Variants in LSAMP observed in about 807,000 individuals in gnomAD.
The protein encoded by LSAMP is limbic system-associated membrane protein.
Under a neutral mutation model 38.6 loss-of-function variants are expected in LSAMP, and 7 were observed. The ratio of observed to expected loss-of-function variants is 0.18; its 90% CI spans 0.10 to 0.34. LSAMP has a LOEUF of 0.34. Among genes scored for constraint, LSAMP ranks in the 10% least tolerant of loss-of-function variants. The pLI is 1.00. For synonymous variants in LSAMP, 154 were observed against 166.8 expected, an observed-to-expected ratio of 0.92 and a Z score of 0.59; for missense variants, 313 against 420.0, an observed-to-expected ratio of 0.75 and a Z score of 2.23.
At chr3:116,084,542 T>A (rs1340338611) in intron 2 of LSAMP, among the ~76,000 whole-genome samples, 2 of 151,556 alleles carry the variant, frequency 1.3e-5, no homozygotes, top group Admixed American at 6.6e-5. Context: ...GGCACTCAAC[T>A]ATTCCCTGAA....
chr3:116,258,842 A>G (rs997439197), intron 1 of LSAMP, among the ~76,000 whole-genome samples: 1 of 152,142 alleles, frequency 6.6e-6, no homozygotes, highest in African/African-American at 2.4e-5. Flanking sequence ...TTAAAAAGAT[A>G]GAGGAGAGTG....
intron 3 of LSAMP, among the ~76,000 whole-genome samples, chr3:115,887,986 C>T (rs1250746449): frequency 6.6e-6 from 1 of 151,900 alleles, no homozygotes; most frequent in Non-Finnish European, 1.5e-5. Context: ...CCCCATGTCT[C>T]AATGGCTAAA....
intron 3 of LSAMP, among the ~76,000 whole-genome samples, chr3:115,923,842 T>C (rs953254217): frequency 6.6e-6 from 1 of 152,224 alleles, no homozygotes; most frequent in African/African-American, 2.4e-5. Flanking sequence ...AAAATATTCA[T>C]AGCACTTTTT....
At chr3:115,855,133 A>G (rs1427311914) in intron 3 of LSAMP, among the ~76,000 whole-genome samples, 1 of 152,198 alleles carries the variant, frequency 6.6e-6, no homozygotes, top group Non-Finnish European at 1.5e-5. Context: ...ATGGTGGATT[A>G]TGGGTCCCTA....
intron 3 of LSAMP, among the ~76,000 whole-genome samples, chr3:115,901,983 T>A (rs531029636): frequency 2.0e-5 from 3 of 151,800 alleles, no homozygotes; most frequent in South Asian, 2.1e-4. Flanking sequence ...TTTAACTAGA[T>A]AAGAAAAAAC....
intron 2 of LSAMP, among the ~76,000 whole-genome samples, chr3:116,021,369 C>T (rs1940633317): frequency 6.6e-6 from 1 of 151,892 alleles, no homozygotes; most frequent in African/African-American, 2.4e-5. Flanking sequence ...AGGATGAGCC[C>T]ACCAAGAACT....
intron 1 of LSAMP, among the ~76,000 whole-genome samples, chr3:116,333,640 G>A (rs1213017702): frequency 6.6e-6 from 1 of 151,296 alleles, no homozygotes; most frequent in Non-Finnish European, 1.5e-5. Context: ...CAAATTTGTG[G>A]AAATTAAATA....
intron 3 of LSAMP, among the ~76,000 whole-genome samples, chr3:116,008,175 C>T (rs1291949574): frequency 6.6e-6 from 1 of 152,090 alleles, no homozygotes; most frequent in Non-Finnish European, 1.5e-5. Flanking sequence ...AAATCACTTC[C>T]GTATGGATTA....
chr3:116,203,438 G>A (rs1010448652), intron 1 of LSAMP, among the ~76,000 whole-genome samples: 8 of 151,432 alleles, frequency 5.3e-5, no homozygotes, highest in Non-Finnish European at 7.4e-5. Flanking sequence ...TAGGGTACAT[G>A]TGCACATTGT....
intron 1 of LSAMP, among the ~76,000 whole-genome samples, chr3:116,298,889 G>A (rs960082): frequency 0.086 from 13,152 of 152,188 alleles, 901 homozygotes; most frequent in African/African-American, 0.19. Context: ...TCTTTGTAGA[G>A]GTTTTCAAAA....
chr3:116,022,197 T>C (rs920545275), intron 2 of LSAMP, among the ~76,000 whole-genome samples: 15 of 152,048 alleles, frequency 9.9e-5, no homozygotes, highest in Non-Finnish European at 2.9e-5. Context: ...CAGTGTTTTT[T>C]GCTTTCAAAA....
At chr3:116,269,921 GT>G (rs549977036) in intron 1 of LSAMP, among the ~76,000 whole-genome samples, 143 of 152,142 alleles carry the variant, frequency 9.4e-4, no homozygotes, top group Non-Finnish European at 1.8e-3. Flanking sequence ...AAACAACTGT[GT>G]TTACTGGACT....
At chr3:116,202,147 T>TC (rs1253266115) in intron 1 of LSAMP, among the ~76,000 whole-genome samples, 1 of 151,966 alleles carries the variant, frequency 6.6e-6, no homozygotes, top group Non-Finnish European at 1.5e-5. Flanking sequence ...TCTTTTCTTT[T>TC]TTTTTTTAGG....
intron 1 of LSAMP, among the ~76,000 whole-genome samples, chr3:116,284,336 A>T (rs1337827700): frequency 1.3e-5 from 2 of 152,184 alleles, no homozygotes; most frequent in Non-Finnish European, 2.9e-5. Flanking sequence ...TTAATCTCAC[A>T]CATCTATCAT....
chr3:116,326,004 G>C (rs1375251603), intron 1 of LSAMP, among the ~76,000 whole-genome samples: 1 of 152,108 alleles, frequency 6.6e-6, no homozygotes, highest in East Asian at 1.9e-4. Context: ...ATGATCAAAA[G>C]CTGAATAATT....
chr3:116,169,791 T>C (rs1710151641), intron 1 of LSAMP, among the ~76,000 whole-genome samples: 2 of 152,360 alleles, frequency 1.3e-5, no homozygotes, highest in African/African-American at 2.4e-5. Flanking sequence ...TTAAATCTAA[T>C]TGACTTTTCT....
At chr3:115,853,364 G>A (rs890718007) in intron 3 of LSAMP, among the ~76,000 whole-genome samples, 2 of 152,198 alleles carry the variant, frequency 1.3e-5, no homozygotes, top group Admixed American at 1.3e-4. Flanking sequence ...TGGTGTGTTT[G>A]TGATGGACTG....
At chr3:115,996,300 G>T (rs1415132371) in intron 3 of LSAMP, among the ~76,000 whole-genome samples, 2 of 152,126 alleles carry the variant, frequency 1.3e-5, no homozygotes, top group Non-Finnish European at 1.5e-5. Context: ...GTTAGGAATA[G>T]TTGGATGGTA....
intron 1 of LSAMP, among the ~76,000 whole-genome samples, chr3:116,219,370 G>C (rs894400516): frequency 1.3e-5 from 2 of 152,160 alleles, no homozygotes; most frequent in Non-Finnish European, 2.9e-5. Context: ...CATTTAGTTT[G>C]TTTCTACAGC....
Sources: allele counts gnomAD v4.1 joint callset (sites outside exome capture counted in the v4.1 genomes callset), GRCh38; gene constraint gnomAD v4.1.1; transcripts MANE v1.5; gene names NCBI Gene and HGNC (gene_info 2026-07-23, HGNC 2026-07-21).